NBAS: variants seen among roughly 807,000 people sequenced by gnomAD.
NBAS encodes NAG/BC035112 fusion.
Under a neutral mutation model 302.5 loss-of-function variants are expected in NBAS, and 219 were observed. That is an observed-to-expected ratio of 0.72 (90% confidence interval 0.65 to 0.81). The LOEUF (loss-of-function observed/expected upper bound fraction) is 0.81. Among genes scored for constraint, NBAS ranks in the 30% least tolerant of loss-of-function variants. The pLI is 0.00. For synonymous variants in NBAS, 1,118 were observed against 1,021.6 expected (o/e 1.09, Z -1.80); for missense variants, 2,932 against 2,841.6 (o/e 1.03, Z -0.72).
chr2:15,182,501 T>C (rs1171124680), intron 50 of NBAS, among the ~76,000 whole-genome samples: 1 of 152,110 alleles, frequency 6.6e-6, no homozygotes, highest in Non-Finnish European at 1.5e-5. Flanking sequence ...AAGCTGGGAA[T>C]TATTAAGGCT....
At chr2:14,805,081 C>T in the NBAS span, among the ~76,000 whole-genome samples, 2 of 152,142 alleles carry the variant, frequency 1.3e-5, no homozygotes, top group African/African-American at 2.4e-5. Context: ...AGGTTAGAAA[C>T]TACAAAGACT....
the NBAS span, among the ~76,000 whole-genome samples, chr2:14,888,258 G>A: frequency 6.6e-6 from 1 of 152,178 alleles, no homozygotes; most frequent in Non-Finnish European, 1.5e-5. Flanking sequence ...AGCTTCCTGA[G>A]TAGCTTGGAT....
chr2:15,165,485 A>G (rs1016411121), downstream of NBAS, among the ~76,000 whole-genome samples: 6 of 152,322 alleles, frequency 3.9e-5, no homozygotes, highest in South Asian at 6.2e-4. Context: ...CAATTACATA[A>G]TAAGTCTCCT....
chr2:15,447,950 C>G (rs958694083), intron 21 of NBAS, among the ~76,000 whole-genome samples: 2 of 152,162 alleles, frequency 1.3e-5, no homozygotes, highest in African/African-American at 4.8e-5. Context: ...TACCATGTCA[C>G]TGTGACCCTC....
chr2:15,081,028 C>G, the NBAS span, among the ~76,000 whole-genome samples: 1 of 152,040 alleles, frequency 6.6e-6, no homozygotes, highest in Non-Finnish European at 1.5e-5. Flanking sequence ...GGCCACCATG[C>G]AGAGGCAGCT....
At chr2:14,885,044 A>C in the NBAS span, among the ~76,000 whole-genome samples, 1 of 152,222 alleles carries the variant, frequency 6.6e-6, no homozygotes, top group Non-Finnish European at 1.5e-5. Flanking sequence ...CTTGAAGACC[A>C]GGCCCAGGAT....
At position 15,176,564 on chromosome 2, in the gene NBAS, T is replaced by C. The variant is rs560807223; in HGVS notation, c.6840+2424A>G. On this transcript the variant is annotated intron_variant, in intron 51 of 51. Transcript: ENST00000281513. ...CAATGTCAGCAACCGGGTCATAATATTACAGGTAAGTATCCCTTATCCAAA... is the reference window on the plus strand; with the variant it reads ...CAATGTCAGCAACCGGGTCATAATACTACAGGTAAGTATCCCTTATCCAAA... Among the ~76,000 whole-genome samples the C allele has an allele frequency of 3.3e-5, 5 of 152,338 alleles. No individual in the cohort carries two copies. In the South Asian group the frequency reaches 1.0e-3, roughly 32 times the overall value.
intron 21 of NBAS, among the ~76,000 whole-genome samples, chr2:15,429,268 A>G (rs1295565684): frequency 9.9e-5 from 15 of 152,184 alleles, no homozygotes; most frequent in Non-Finnish European, 1.6e-4. Context: ...CAACTAAATC[A>G]TTCTGAATTA....
At chr2:14,880,353 CT>C in the NBAS span, among the ~76,000 whole-genome samples, 5,871 of 152,048 alleles carry the variant, frequency 0.039, 377 homozygotes, top group African/African-American at 0.13. Context: ...AAATTTTCAG[CT>C]TTAAATGTTC....
chr2:15,054,782 T>C, the NBAS span, among the ~76,000 whole-genome samples: 2 of 152,174 alleles, frequency 1.3e-5, no homozygotes, highest in Admixed American at 6.5e-5. Context: ...TGGATATGTT[T>C]CCAGGGCATC....
chr2:15,136,768 TG>T, the NBAS span, among the ~76,000 whole-genome samples: 5 of 152,330 alleles, frequency 3.3e-5, no homozygotes, highest in South Asian at 1.0e-3. Flanking sequence ...GATTGAATCA[TG>T]GGGTTGGTTC....
intron 35 of NBAS, among the ~76,000 whole-genome samples, chr2:15,347,900 T>A (rs1673169179): frequency 6.6e-6 from 1 of 152,228 alleles, no homozygotes; most frequent in African/African-American, 2.4e-5. Context: ...TTCAAACTTG[T>A]CGGCTCCATT....
In NBAS at chr2:15,426,017, C is replaced by G. The variant is rs114942336; in HGVS notation, c.2424-1549G>C. Among the ~76,000 whole-genome samples the G allele has an allele frequency of 7.6e-3, 1,156 of 152,264 alleles. 14 individuals carry two copies. The highest frequency in any genetic ancestry group is 0.025 in the African/African-American group (1,058 of 41,536). On this transcript the variant is annotated intron_variant, in intron 22 of 51. Coordinates refer to ENST00000281513, the MANE Select transcript of NBAS (RefSeq NM_015909.4). ...GACACAGGCTTGTTAGCCCAGCTCT[C>G]TTCTTGCTTTCCACTCTCCCCAGTC...
chr2:15,256,009 T>C (rs1668574111), intron 44 of NBAS, among the ~76,000 whole-genome samples: 1 of 152,224 alleles, frequency 6.6e-6, no homozygotes, highest in Non-Finnish European at 1.5e-5. Context: ...AGATTTGTTT[T>C]TTGTTTAGTC....
At chr2:15,242,024 G>A (rs1337041101) in intron 44 of NBAS, among the ~76,000 whole-genome samples, 3 of 151,978 alleles carry the variant, frequency 2.0e-5, no homozygotes, top group Non-Finnish European at 2.9e-5. Context: ...TTTCATTATC[G>A]AGACACTTGG....
the NBAS span, among the ~76,000 whole-genome samples, chr2:14,873,360 G>T: frequency 6.6e-6 from 1 of 152,148 alleles, no homozygotes; most frequent in African/African-American, 2.4e-5. Flanking sequence ...GATTATAGGC[G>T]TGTGCCACCA....
At chr2:15,098,395 T>TAATATATAATATATGATATATTG in the NBAS span, among the ~76,000 whole-genome samples, 1 of 16,268 alleles carries the variant, frequency 6.1e-5, no homozygotes. Context: ...ATATTGTATA[T>TAATATATAATATATGATATATTG]TATATATTAT....
chr2:15,469,265 ATTTCTC>A, intron 16 of NBAS, among the ~76,000 whole-genome samples: 1 of 151,966 alleles, frequency 6.6e-6, no homozygotes, highest in Non-Finnish European at 1.5e-5. Context: ...GTTTGCTCTT[ATTTCTC>A]TAGTTCTGTA....
chr2:15,281,224 TC>T (rs1033336744), intron 42 of NBAS, among the ~76,000 whole-genome samples: 3 of 152,300 alleles, frequency 2.0e-5, no homozygotes, highest in Admixed American at 2.0e-4. Context: ...CAACCTGGTA[TC>T]CCTAAAGCCT....
Sources: gnomAD v4.1 joint callset for allele counts (sites outside exome capture counted in the v4.1 genomes callset) on GRCh38, gnomAD v4.1.1 for gene constraint, MANE v1.5 for transcripts, NCBI Gene and HGNC (gene_info 2026-07-23, HGNC 2026-07-21) for gene names.